The following PAPPA2 variants were observed in gnomAD, a reference collection of about 807,000 sequenced individuals.
PAPPA2 encodes the protein pappalysin-2.
Under a neutral mutation model 176.4 loss-of-function variants are expected in PAPPA2, and 86 were observed. The ratio of observed to expected loss-of-function variants is 0.49; its 90% confidence interval spans 0.41 to 0.58. The LOEUF is 0.58. PAPPA2 is among the 20% of genes least tolerant of loss of function. PAPPA2 has a pLI of 0.00. For synonymous variants in PAPPA2, 809 were observed against 852.2 expected (o/e 0.95, Z 0.88); for missense variants, 2,073 against 2,256.9 (o/e 0.92, Z 1.65).
intron 4 of PAPPA2, among the ~76,000 whole-genome samples, chr1:176,674,147 C>T (rs905528914): frequency 2.0e-5 from 3 of 151,958 alleles, no homozygotes; most frequent in Non-Finnish European, 4.4e-5. Context: ...ACAGAAGAGA[C>T]AAAATTGGGA....
Position 176,769,664 on chromosome 1 carries a change from C to T in PAPPA2, c.4381C>T (p.Pro1461Ser). ...GHWDQNVSCL[P>S]VDCGVPDPSL... Reference sequence around the variant, plus strand: ...CTGGGACCAGAATGTGAGCTGCCTTCCCGTGGACTGCGGTGTTCCCGACCC... The same window carrying T: ...CTGGGACCAGAATGTGAGCTGCCTTTCCGTGGACTGCGGTGTTCCCGACCC... Residue 1461 changes from proline (P) to serine (S), a missense_variant, in exon 16 of 23, where the codon CCC (proline) becomes TCC (serine). Around this residue, in one of 4 missense-constraint regions of PAPPA2, gnomAD observed 846 missense variants for 857.9 expected, o/e 0.99. Coordinates refer to ENST00000367662, the MANE Select transcript of PAPPA2 (RefSeq NM_020318.3). 1 of 1,614,000 alleles carries T rather than the reference C, an allele frequency of 6.2e-7. No individual in the cohort carries two copies. Among genetic ancestry groups the T allele is most frequent in the Non-Finnish European group, 8.5e-7 (1 of 1,179,982 alleles).
intron 2 of PAPPA2, among the ~76,000 whole-genome samples, chr1:176,589,505 T>C (rs1456309650): frequency 2.6e-5 from 4 of 152,228 alleles, no homozygotes; most frequent in Non-Finnish European, 5.9e-5. Context: ...ATATATATGA[T>C]GGAAGCCATT....
At chr1:176,586,820 G>A (rs1653339171) in intron 2 of PAPPA2, among the ~76,000 whole-genome samples, 2 of 152,152 alleles carry the variant, frequency 1.3e-5, no homozygotes, top group African/African-American at 4.8e-5. Context: ...TAATGTGATT[G>A]CTGGGTCAAA....
intron 6 of PAPPA2, among the ~76,000 whole-genome samples, chr1:176,693,200 C>T (rs536754217): frequency 2.0e-5 from 3 of 152,332 alleles, no homozygotes; most frequent in East Asian, 1.9e-4. Flanking sequence ...TGAATGACGA[C>T]AGTCCCTGAT....
chr1:176,467,279 G>A (rs1050688653), intron 1 of PAPPA2, among the ~76,000 whole-genome samples: 1 of 152,160 alleles, frequency 6.6e-6, no homozygotes, highest in Non-Finnish European at 1.5e-5. Flanking sequence ...TATGCAGTCC[G>A]TTGTTGACAG....
At chr1:176,493,048 T>A (rs1336644335) in intron 1 of PAPPA2, among the ~76,000 whole-genome samples, 1 of 152,216 alleles carries the variant, frequency 6.6e-6, no homozygotes, top group East Asian at 1.9e-4. Flanking sequence ...ATAAATTGAT[T>A]ATATAATATG....
At chr1:176,508,065 T>G (rs1421044977) in intron 1 of PAPPA2, among the ~76,000 whole-genome samples, 1 of 152,126 alleles carries the variant, frequency 6.6e-6, no homozygotes, top group Non-Finnish European at 1.5e-5. Flanking sequence ...ACTATCCTTA[T>G]AGTAAAGGCT....
intron 3 of PAPPA2, among the ~76,000 whole-genome samples, chr1:176,619,110 T>C (rs1458080999): frequency 6.6e-6 from 1 of 152,090 alleles, no homozygotes; most frequent in Non-Finnish European, 1.5e-5. Context: ...TTCATACGGG[T>C]ATGGCTCATG....
chr1:176,819,317 G>T (rs1666560435), intron 21 of PAPPA2, among the ~76,000 whole-genome samples: 1 of 152,040 alleles, frequency 6.6e-6, no homozygotes, highest in African/African-American at 2.4e-5. Flanking sequence ...TGACAGTTTT[G>T]TTGTTGTTGT....
chr1:176,701,102 T>C (rs1660635757), intron 8 of PAPPA2, among the ~76,000 whole-genome samples: 1 of 151,778 alleles, frequency 6.6e-6, no homozygotes, highest in South Asian at 2.1e-4. Context: ...TAATATCTCA[T>C]TTTGTAGATG....
At chr1:176,643,980 C>A (rs1366273967) in intron 3 of PAPPA2, among the ~76,000 whole-genome samples, 1 of 151,746 alleles carries the variant, frequency 6.6e-6, no homozygotes, top group African/African-American at 2.4e-5. Context: ...TGGAGGGTAC[C>A]TCTGTGGGTG....
chr1:176,496,909 A>G lies in PAPPA2; in HGVS notation c.-917+33491A>G, dbSNP rs551756756. Among the ~76,000 whole-genome samples, 3 of 152,348 alleles carry G rather than the reference A, an allele frequency of 2.0e-5. No individual in the cohort carries two copies. The South Asian group carries it at 6.2e-4, about 32-fold the overall frequency. On this transcript the variant is annotated intron_variant, in intron 1 of 22. Coordinates refer to ENST00000367662, the MANE Select transcript of PAPPA2 (RefSeq NM_020318.3). The stretch of plus-strand genomic sequence containing the variant: ...ACATGAGTGAGGACATGAATCCAGG[A>G]CACTTAACCATCAAAACCTTTATAC...
intron 15 of PAPPA2, among the ~76,000 whole-genome samples, chr1:176,768,012 G>GT (rs1336215363): frequency 6.6e-6 from 1 of 152,214 alleles, no homozygotes; most frequent in Non-Finnish European, 1.5e-5. Flanking sequence ...GGTGTCAGGG[G>GT]TGACAGGTGC....
rs190452436 is a variant in PAPPA2, at chr1:176,518,145, G to A, written c.-916-37262G>A. 4.6e-5 allele frequency among the ~76,000 whole-genome samples: 7 copies of A among 152,148 alleles called. No homozygotes were observed. In the East Asian group the frequency reaches 5.8e-4, roughly 13 times the overall value. ...TATCTACCTACCTACTTACCTATTC[G>A]TCTGTTCATGTACTACTTCTTTCTA... is the stretch of plus-strand genomic sequence containing the variant. On this transcript the variant is annotated intron_variant, in intron 1 of 22. Transcript: ENST00000367662.
In PAPPA2 at chr1:176,769,799, A is replaced by G; in HGVS notation, c.4501+15A>G. The G allele has an allele frequency of 6.3e-7, 1 of 1,578,802 alleles. No individual in the cohort carries two copies. The highest frequency in any genetic ancestry group is 8.6e-7 in the Non-Finnish European group (1 of 1,165,504). On this transcript the variant is annotated intron_variant, in intron 16 of 22. Transcript: ENST00000367662. ...CAAGCTGCAAGGTATTGTCTGGTCA[A>G]CCAGGAACTGTATGCAAGTTCTCTG... is the stretch of plus-strand genomic sequence containing the variant.
At chr1:176,795,867 GA>G (rs1163895668) in intron 20 of PAPPA2, among the ~76,000 whole-genome samples, 1 of 152,194 alleles carries the variant, frequency 6.6e-6, no homozygotes, top group Admixed American at 6.5e-5. Flanking sequence ...CTTTTCAACA[GA>G]ATTCTCCAGT....
chr1:176,579,181 G>T (rs910535040), intron 2 of PAPPA2, among the ~76,000 whole-genome samples: 5 of 152,142 alleles, frequency 3.3e-5, no homozygotes, highest in Non-Finnish European at 7.3e-5. Flanking sequence ...AGAGGCAGAA[G>T]CAGTTCCTAG....
intron 1 of PAPPA2, among the ~76,000 whole-genome samples, chr1:176,524,013 C>T (rs1649340924): frequency 6.6e-6 from 1 of 152,236 alleles, no homozygotes; most frequent in Non-Finnish European, 1.5e-5. Flanking sequence ...TATCAAAGAA[C>T]TCCCACCAGT....
At chr1:176,717,622 A>G (rs1661436503) in intron 12 of PAPPA2, among the ~76,000 whole-genome samples, 1 of 152,202 alleles carries the variant, frequency 6.6e-6, no homozygotes, top group Non-Finnish European at 1.5e-5. Context: ...TTCCTGGGCA[A>G]AGCCAAAACC....
Sources: allele counts gnomAD v4.1 joint callset (sites outside exome capture counted in the v4.1 genomes callset), GRCh38; gene constraint gnomAD v4.1.1; regional missense constraint gnomAD v4.1.1; transcripts MANE v1.5; gene names NCBI Gene and HGNC (gene_info 2026-07-23, HGNC 2026-07-21).